The following SLCO1B1 variants were observed in gnomAD, a reference collection of about 807,000 sequenced individuals.
SLCO1B1 encodes OATP-2.
SLCO1B1 carries 81 observed loss-of-function variants against 70.1 expected under a neutral mutation model. That is an observed-to-expected ratio of 1.16 (90% confidence interval 0.97 to 1.39). The LOEUF is 1.39. Among genes scored for constraint, SLCO1B1 ranks in the 40% most tolerant of loss-of-function variants. The pLI is 0.00. For synonymous variants in SLCO1B1, 283 were observed against 271.5 expected, an observed-to-expected ratio of 1.04 and a Z score of -0.42; for missense variants, 895 against 799.6, an observed-to-expected ratio of 1.12 and a Z score of -1.44.
chr12:21,229,511 C>T (rs923175707), intron 14 of SLCO1B1, among the ~76,000 whole-genome samples: 2 of 152,288 alleles, frequency 1.3e-5, no homozygotes, highest in East Asian at 3.9e-4. Context: ...TTAACTTAAT[C>T]ACATGCATTT....
chr12:21,139,185 T>C (rs1940273113), intron 1 of SLCO1B1, among the ~76,000 whole-genome samples: 1 of 152,014 alleles, frequency 6.6e-6, no homozygotes, highest in Admixed American at 6.6e-5. Flanking sequence ...TGCTATTATA[T>C]AATTTTTTTA....
At chr12:21,202,716 A>G in intron 10 of SLCO1B1, 30 bp downstream of exon 10, 1 of 1,524,192 alleles carries the variant, frequency 6.6e-7, no homozygotes, top group Non-Finnish European at 9.1e-7. Flanking sequence ...TCAATTGCAT[A>G]ATATGTTAAC....
At chr12:21,140,342 T>C (rs970810439) in intron 1 of SLCO1B1, among the ~76,000 whole-genome samples, 1 of 152,090 alleles carries the variant, frequency 6.6e-6, no homozygotes, top group Admixed American at 6.6e-5. Flanking sequence ...TTTACATACA[T>C]AGGAGCAAGA....
intron 1 of SLCO1B1, among the ~76,000 whole-genome samples, chr12:21,139,483 A>G (rs1940277431): frequency 6.6e-6 from 1 of 152,092 alleles, no homozygotes; most frequent in Non-Finnish European, 1.5e-5. Flanking sequence ...TGTAAGTGAT[A>G]ATATCCTGTT....
At chr12:21,155,329 ATATAT>A (rs1565667990) in intron 2 of SLCO1B1, among the ~76,000 whole-genome samples, 1 of 151,880 alleles carries the variant, frequency 6.6e-6, no homozygotes, top group Non-Finnish European at 1.5e-5. Flanking sequence ...TTTTAAGCCC[ATATAT>A]TATTTTATAC....
At chr12:21,177,511 A>T (rs919189091) in intron 5 of SLCO1B1, among the ~76,000 whole-genome samples, 2 of 152,148 alleles carry the variant, frequency 1.3e-5, no homozygotes, top group African/African-American at 2.4e-5. Context: ...CCTATTAAAT[A>T]GAAAAAGACT....
intron 2 of SLCO1B1, among the ~76,000 whole-genome samples, chr12:21,143,976 C>T (rs544152525): frequency 4.5e-4 from 69 of 151,728 alleles, no homozygotes; most frequent in African/African-American, 1.1e-3. Context: ...ATAATATATC[C>T]GTGGAAATAC....
At position 21,147,173 on chromosome 12, in the gene SLCO1B1, G is replaced by A. The variant is rs1318867772; in HGVS notation, c.84+5515G>A. 3.3e-5 allele frequency among the ~76,000 whole-genome samples: 5 copies of A among 152,100 alleles called. No individual in the cohort carries two copies. In the South Asian group the frequency reaches 8.3e-4, roughly 25 times the overall value. ...CCCCTTTAACATTTTGTAATGCCCCGTTTTTACCTCTGTTAATTTCCTTGC... is the reference window on the plus strand; with the variant it reads ...CCCCTTTAACATTTTGTAATGCCCCATTTTTACCTCTGTTAATTTCCTTGC... On this transcript the variant is annotated intron_variant, in intron 2 of 14. Coordinates refer to ENST00000256958, the MANE Select transcript of SLCO1B1 (RefSeq NM_006446.5).
chr12:21,160,584 C>T (rs1250147978), intron 2 of SLCO1B1, among the ~76,000 whole-genome samples: 1 of 151,962 alleles, frequency 6.6e-6, no homozygotes, highest in Admixed American at 6.6e-5. Context: ...TAGGCAATAT[C>T]ATCCTGGACA....
chr12:21,131,934 C>G (rs971202849), intron 1 of SLCO1B1, among the ~76,000 whole-genome samples: 2 of 151,914 alleles, frequency 1.3e-5, no homozygotes, highest in Admixed American at 1.3e-4. Flanking sequence ...TGTGCTGCAC[C>G]CATTAACTCA....
intron 12 of SLCO1B1, among the ~76,000 whole-genome samples, chr12:21,220,039 G>T (rs1314169755): frequency 6.6e-6 from 1 of 152,194 alleles, no homozygotes; most frequent in East Asian, 1.9e-4. Flanking sequence ...GGGATTACAG[G>T]CCTGAGCCAC....
At chr12:21,176,030 A>G (rs1940814974) in intron 4 of SLCO1B1, among the ~76,000 whole-genome samples, 1 of 152,104 alleles carries the variant, frequency 6.6e-6, no homozygotes, top group African/African-American at 2.4e-5. Context: ...TGTCATTCTC[A>G]TGTTGATGTC....
rs778214174 is a variant in SLCO1B1, at chr12:21,141,612, C to A, written c.38C>A (p.Ala13Glu). ...QNQHLNKTAE[A>E]QPSENKKTRY... ...CAACATTTGAATAAAACAGCAGAGG[C>A]ACAACCTTCAGAGAATAAGAAAACA... The change falls in exon 2 of 15, where the codon GCA becomes GAA. Residue 13 changes from alanine to glutamate, a missense_variant. Physicochemically the swap from Ala to Glu is moderately radical, Grantham distance 107. Coordinates refer to ENST00000256958, the MANE Select transcript of SLCO1B1 (RefSeq NM_006446.5). 3.4e-5 allele frequency: 54 copies of A among 1,608,804 alleles called. No individual in the cohort carries two copies. Among genetic ancestry groups the A allele is most frequent in the Non-Finnish European group, 4.3e-5 (51 of 1,176,210 alleles).
intron 13 of SLCO1B1, 61 bp downstream of exon 13, chr12:21,222,425 TATAC>T (rs1483381721): frequency 0.018 from 2,254 of 123,770 alleles, 26 homozygotes; most frequent in Non-Finnish European, 0.021. Context: ...TATATATATA[TATAC>T]ACACACACAT....
intron 1 of SLCO1B1, among the ~76,000 whole-genome samples, chr12:21,135,622 A>T (rs1240091694): frequency 4.0e-5 from 6 of 151,868 alleles, no homozygotes; most frequent in East Asian, 3.9e-4. Flanking sequence ...CTTTGTTGGT[A>T]TAAAGTCTGT....
chr12:21,133,719 G>C (rs1172559427), intron 1 of SLCO1B1, among the ~76,000 whole-genome samples: 2 of 152,122 alleles, frequency 1.3e-5, no homozygotes, highest in African/African-American at 4.8e-5. Flanking sequence ...TTATCAACTT[G>C]AGGAAATTTT....
At chr12:21,139,361 C>T (rs968007760) in intron 1 of SLCO1B1, among the ~76,000 whole-genome samples, 1 of 152,044 alleles carries the variant, frequency 6.6e-6, no homozygotes, top group Non-Finnish European at 1.5e-5. Context: ...TATCTAGGTA[C>T]AGGCATGCAT....
intron 12 of SLCO1B1, 75 bp from the exon 13 acceptor site, chr12:21,222,225 A>T: frequency 1.5e-6 from 1 of 669,764 alleles, no homozygotes; most frequent in Non-Finnish European, 2.5e-6. Context: ...AAAACAACAC[A>T]GGAGAAGGTT....
chr12:21,168,932 C>T (rs746021629), intron 2 of SLCO1B1, among the ~76,000 whole-genome samples: 11 of 152,074 alleles, frequency 7.2e-5, no homozygotes, highest in Non-Finnish European at 1.5e-4. Flanking sequence ...TTTTGTATCA[C>T]ATTTTAAAAA....
Sources: allele counts gnomAD v4.1 joint callset (sites outside exome capture counted in the v4.1 genomes callset), GRCh38; gene constraint gnomAD v4.1.1; transcripts MANE v1.5; gene names NCBI Gene and HGNC (gene_info 2026-07-23, HGNC 2026-07-21).